The following ACOX2 variants were observed in gnomAD, a reference collection of about 807,000 sequenced individuals.
ACOX2 encodes peroxisomal acyl-coenzyme A oxidase 2.
In ACOX2, 59 loss-of-function variants were observed where a neutral mutation model predicts 77.5. The ratio of observed to expected loss-of-function variants is 0.76; its 90% CI spans 0.62 to 0.95. The LOEUF (loss-of-function observed/expected upper bound fraction) is 0.95. Among genes scored for constraint, ACOX2 ranks in the 40% least tolerant of loss-of-function variants. ACOX2 has a pLI of 0.00. For synonymous variants in ACOX2, 317 were observed against 340.1 expected (o/e 0.93, Z 0.75); for missense variants, 837 against 880.4 (o/e 0.95, Z 0.62).
At position 58,522,683 on chromosome 3, in the gene ACOX2, T is replaced by C; in HGVS notation, c.1527-82A>G. On this transcript the variant is annotated intron_variant, in intron 11 of 14. Transcript: ENST00000302819. This position sits in a 1 kb window ranked among gnomAD's most constrained non-coding sequence, Gnocchi z 4.3. Reference sequence around the variant, plus strand: ...TGGGCTTCCTGTGGTCCCTCAGAAGTAGAAATAATGCCTGTTTATTGACCA... The same window carrying C: ...TGGGCTTCCTGTGGTCCCTCAGAAGCAGAAATAATGCCTGTTTATTGACCA... 1 of 1,198,522 alleles carries C rather than the reference T, an allele frequency of 8.3e-7. No individual in the cohort carries two copies. The highest frequency in any genetic ancestry group is 1.2e-6 in the Non-Finnish European group (1 of 805,346). The allele number at this position is 1,198,522 out of a possible 1,614,324, so 74.2% of individuals were successfully genotyped here.
rs760756650 is a variant in ACOX2, at chr3:58,523,465, A to G, written c.1527-864T>C. Reference sequence around the variant, plus strand: ...CAGTTAATAAATATTTTTGGAATAAATAAATGAATGTTCCAAGTTGCTTGT... The same window carrying G: ...CAGTTAATAAATATTTTTGGAATAAGTAAATGAATGTTCCAAGTTGCTTGT... On this transcript the variant is annotated intron_variant, in intron 11 of 14. Transcript: ENST00000302819. This position sits in a 1 kb window ranked among gnomAD's most constrained non-coding sequence, Gnocchi z 5.3. Among the ~76,000 whole-genome samples the G allele has an allele frequency of 6.6e-6, 1 of 152,260 alleles. No individual in the cohort carries two copies. Among genetic ancestry groups the G allele is most frequent in the Non-Finnish European group, 1.5e-5 (1 of 68,048 alleles).
In ACOX2 at chr3:58,522,597, T is replaced by A. The variant is rs1560215445; in HGVS notation, c.1531A>T (p.Ile511Leu). 3 of 1,614,068 alleles carry A rather than the reference T, an allele frequency of 1.9e-6. No individual in the cohort carries two copies. The Admixed American group carries it at 5.0e-5, about 27-fold the overall frequency. ...TAWAHVAVRLIKDSVQHLQTL... is the reference protein window; with the variant it reads ...TAWAHVAVRLLKDSVQHLQTL... Reference sequence around the variant, plus strand: ...TGTAAATGCTGCACTGAGTCCTTTATGAGCCTGAAAGCCAAAGCAAAAAAG... The same window carrying A: ...TGTAAATGCTGCACTGAGTCCTTTAAGAGCCTGAAAGCCAAAGCAAAAAAG... Residue 511 changes from isoleucine (I) to leucine (L), a missense_variant, in exon 12 of 15, where the codon ATA becomes TTA. Transcript: ENST00000302819. This position sits in a 1 kb window ranked among gnomAD's most constrained non-coding sequence, Gnocchi z 4.3.
chr3:58,516,279 A>G (rs1448466830), intron 13 of ACOX2, among the ~76,000 whole-genome samples: 1 of 152,236 alleles, frequency 6.6e-6, no homozygotes, highest in Non-Finnish European at 1.5e-5. Flanking sequence ...CACATTCAAC[A>G]AAGACTAGGA....
In ACOX2 at chr3:58,517,279, G is replaced by A. The variant is rs767199652; in HGVS notation, c.1777C>T (p.His593Tyr). The A allele has an allele frequency of 1.2e-6, 2 of 1,614,198 alleles. No individual in the cohort carries two copies. Among genetic ancestry groups the A allele is most frequent in the Admixed American group, 3.3e-5 (2 of 60,018 alleles). The change falls in exon 13 of 15, where the codon CAT (histidine) becomes TAT (tyrosine). Residue 593 changes from histidine (H) to tyrosine (Y), a missense_variant. Transcript: ENST00000302819. ...TGGGCACCAGACAGGAAGGCGTCATGGAGAAAGTCACCCGAGTTAGTCAAG... is the reference window on the plus strand; with the variant it reads ...TGGGCACCAGACAGGAAGGCGTCATAGAGAAAGTCACCCGAGTTAGTCAAG... ...GILTNSGDFL[H>Y]DAFLSGAQVD...
chr3:58,531,288 C>T lies in ACOX2; in HGVS notation c.782G>A (p.Arg261Gln), dbSNP rs372431689. 1.8e-5 allele frequency: 29 copies of T among 1,613,336 alleles called. No homozygotes were observed. The highest frequency in any genetic ancestry group is 4.0e-5 in the African/African-American group (3 of 74,892). Reference sequence around the variant, plus strand: ...ACTCAGCATGTTCTCCCTGGGGACCCGCACATGGTTCAGCTGCAGGAAGCC... The same window carrying T: ...ACTCAGCATGTTCTCCCTGGGGACCTGCACATGGTTCAGCTGCAGGAAGCC... ...DNGFLQLNHV[R>Q]VPRENMLSRF... Residue 261 changes from arginine (R) to glutamine (Q), a missense_variant, in exon 7 of 15, where the codon CGG (arginine) becomes CAG (glutamine). By Grantham distance (43) the Arg-to-Gln change is conservative. Coordinates refer to ENST00000302819, the MANE Select transcript of ACOX2 (RefSeq NM_003500.4). The surrounding 1 kb of genome is among the most constrained non-coding windows in gnomAD (Gnocchi z 5.8).
chr3:58,516,564 A>C (rs923822339), intron 13 of ACOX2, among the ~76,000 whole-genome samples: 1 of 152,252 alleles, frequency 6.6e-6, no homozygotes, highest in Non-Finnish European at 1.5e-5. Context: ...ATGCCTGGGC[A>C]CGTTGGTTCA....
rs765029044 is a variant in ACOX2, at chr3:58,515,148, G to C, written c.1850+2058C>G. On this transcript the variant is annotated intron_variant, in intron 13 of 14. Transcript: ENST00000302819. The surrounding 1 kb of genome is among the most constrained non-coding windows in gnomAD (Gnocchi z 4.0). ...AAGCGATTCTGCCTCAGCCTCCCAAGTAACTGGGATTACAGGCATGTGCCA... is the reference window on the plus strand; with the variant it reads ...AAGCGATTCTGCCTCAGCCTCCCAACTAACTGGGATTACAGGCATGTGCCA... Among the ~76,000 whole-genome samples, 5 of 152,086 alleles carry C rather than the reference G, an allele frequency of 3.3e-5. No homozygotes were observed. The highest frequency in any genetic ancestry group is 4.4e-5 in the Non-Finnish European group (3 of 68,010).
rs2063347343 is a variant in ACOX2, at chr3:58,519,959, T to G, written c.1633-2536A>C. Among the ~76,000 whole-genome samples the G allele has an allele frequency of 6.6e-6, 1 of 151,672 alleles. No individual in the cohort carries two copies. Among genetic ancestry groups the G allele is most frequent in the Non-Finnish European group, 1.5e-5 (1 of 67,938 alleles). ...CAAGGCTCTGAGTTGAGGAGTGGAG[T>G]GATGGAGAGCTGCCCAGGGGCCTGG... is the stretch of plus-strand genomic sequence containing the variant. On this transcript the variant is annotated intron_variant, in intron 12 of 14. Coordinates refer to ENST00000302819, the MANE Select transcript of ACOX2 (RefSeq NM_003500.4). This position sits in a 1 kb window ranked among gnomAD's most constrained non-coding sequence, Gnocchi z 5.0.
At position 58,514,821 on chromosome 3, in the gene ACOX2, C is replaced by T. The variant is rs2063310489; in HGVS notation, c.1850+2385G>A. On this transcript the variant is annotated intron_variant, in intron 13 of 14. Transcript: ENST00000302819. This position sits in a 1 kb window ranked among gnomAD's most constrained non-coding sequence, Gnocchi z 4.3. ...TTTGTATTTTATCATCACTGACAAC[C>T]GGGGCTAGAACATTATTTTCAAGTG... is the stretch of plus-strand genomic sequence containing the variant. 1.3e-5 allele frequency among the ~76,000 whole-genome samples: 2 copies of T among 152,092 alleles called. No homozygotes were observed. The highest frequency in any genetic ancestry group is 2.4e-5 in the African/African-American group (1 of 41,394).
At chr3:58,532,596 G>A (rs2063448975) in intron 5 of ACOX2, among the ~76,000 whole-genome samples, 1 of 152,090 alleles carries the variant, frequency 6.6e-6, no homozygotes, top group Non-Finnish European at 1.5e-5. Flanking sequence ...ATATTGGTCA[G>A]GCTGGTTCAA....
chr3:58,509,031 A>T lies in ACOX2; in HGVS notation c.1851-6T>A. 2 of 1,614,046 alleles carry T rather than the reference A, an allele frequency of 1.2e-6. No individual in the cohort carries two copies. Among genetic ancestry groups the T allele is most frequent in the Non-Finnish European group, 1.7e-6 (2 of 1,179,894 alleles). ...TTAACAGGATGGCATCCTTCCTGGG[A>T]TAGGAAACAAGAGTTTGTAAGTATT... On this transcript the variant is annotated splice_region_variant and splice_polypyrimidine_tract_variant and intron_variant, in intron 13 of 14. Coordinates refer to ENST00000302819, the MANE Select transcript of ACOX2 (RefSeq NM_003500.4).
rs964485046 is a variant in ACOX2, at chr3:58,519,474, A to T, written c.1633-2051T>A. On this transcript the variant is annotated intron_variant, in intron 12 of 14. Coordinates refer to ENST00000302819, the MANE Select transcript of ACOX2 (RefSeq NM_003500.4). The surrounding 1 kb of genome is among the most constrained non-coding windows in gnomAD (Gnocchi z 5.0). ...GGTCATTCCAGGCAGGGGGAGCTTT[A>T]TGTGCAAAAGGCTGTACTTTCAGGA... 7.9e-5 allele frequency among the ~76,000 whole-genome samples: 12 copies of T among 152,146 alleles called. No homozygotes were observed. The highest frequency in any genetic ancestry group is 2.9e-4 in the African/African-American group (12 of 41,428).
chr3:58,511,929 C>T (rs956824406), intron 13 of ACOX2, among the ~76,000 whole-genome samples: 1 of 152,194 alleles, frequency 6.6e-6, no homozygotes, highest in Admixed American at 6.5e-5. Flanking sequence ...ACGGTTACTT[C>T]CTTATTATCT....
Position 58,526,774 on chromosome 3 carries a change from G to A in ACOX2, c.1156-118C>T, listed in dbSNP as rs1389769006. 1 of 1,106,516 alleles carries A rather than the reference G, an allele frequency of 9.0e-7. No homozygotes were observed. Among genetic ancestry groups the A allele is most frequent in the African/African-American group, 1.6e-5 (1 of 62,916 alleles). 68.5% of individuals were successfully genotyped at this position (1,106,516 alleles called of 1,614,324 possible). A position where few individuals can be genotyped will look rare whatever the true frequency, so the allele number is the denominator to read the frequency against. On this transcript the variant is annotated intron_variant, in intron 9 of 14. Transcript: ENST00000302819. This position sits in a 1 kb window ranked among gnomAD's most constrained non-coding sequence, Gnocchi z 4.3. ...CCAGCTCAGCTCTGAGGTAAGAAGT[G>A]TTTCCTCTGCTCACAACTTTATGAA...
intron 13 of ACOX2, 126 bp from the exon 14 acceptor site, chr3:58,509,151 A>AT (rs919622857): frequency 4.0e-4 from 458 of 1,141,130 alleles, no homozygotes; most frequent in African/African-American, 1.3e-3. Flanking sequence ...ACAATTCAGC[A>AT]TTTTTTTTTA....
chr3:58,517,269 A>G lies in ACOX2; in HGVS notation c.1787T>C (p.Phe596Ser). ...TNSGDFLHDA[F>S]LSGAQVDMAR... ...CATGTCCACTTGGGCACCAGACAGG[A>G]AGGCGTCATGGAGAAAGTCACCCGA... The change falls in exon 13 of 15, where the codon TTC becomes TCC. Residue 596 changes from phenylalanine to serine, a missense_variant. Phe to Ser is a radical substitution (Grantham distance 155, BLOSUM62 -2). Transcript: ENST00000302819. 1.2e-6 allele frequency: 2 copies of G among 1,614,178 alleles called. No individual in the cohort carries two copies. Among genetic ancestry groups the G allele is most frequent in the Non-Finnish European group, 1.7e-6 (2 of 1,180,034 alleles).
In ACOX2 at chr3:58,528,983, A is replaced by T; in HGVS notation, c.993-27T>A. On this transcript the variant is annotated intron_variant, in intron 8 of 14. Transcript: ENST00000302819. The surrounding 1 kb of genome is among the most constrained non-coding windows in gnomAD (Gnocchi z 5.6). ...TGAAGGGAAAAGAACCAGAAGATTT[A>T]GATCACTACCTGTTGTGTCCACCTT... 1 of 1,591,678 alleles carries T rather than the reference A, an allele frequency of 6.3e-7. No individual in the cohort carries two copies. The highest frequency in any genetic ancestry group is 8.6e-7 in the Non-Finnish European group (1 of 1,168,208).
In ACOX2 at chr3:58,534,638, T is replaced by C; in HGVS notation, c.161-116A>G. The C allele has an allele frequency of 6.3e-7, 1 of 1,576,516 alleles. No homozygotes were observed. Among genetic ancestry groups the C allele is most frequent in the Non-Finnish European group, 8.6e-7 (1 of 1,164,544 alleles). Reference sequence around the variant, plus strand: ...AAAGGAAGTCAGACATTATTGTTATTTTACAGATGACAAAACTGAGGACCA... The same window carrying C: ...AAAGGAAGTCAGACATTATTGTTATCTTACAGATGACAAAACTGAGGACCA... On this transcript the variant is annotated intron_variant, in intron 2 of 14. Coordinates refer to ENST00000302819, the MANE Select transcript of ACOX2 (RefSeq NM_003500.4). This position sits in a 1 kb window ranked among gnomAD's most constrained non-coding sequence, Gnocchi z 4.8.
chr3:58,528,368 T>C lies in ACOX2; in HGVS notation c.1155+426A>G, dbSNP rs967137116. On this transcript the variant is annotated intron_variant, in intron 9 of 14. Coordinates refer to ENST00000302819, the MANE Select transcript of ACOX2 (RefSeq NM_003500.4). The surrounding 1 kb of genome is among the most constrained non-coding windows in gnomAD (Gnocchi z 5.6). ...GGCATTTAAAGTGCATTTTATATAATAGCCCCAGTGGGGTTTGGGGCAGCT... is the reference window on the plus strand; with the variant it reads ...GGCATTTAAAGTGCATTTTATATAACAGCCCCAGTGGGGTTTGGGGCAGCT... 2.6e-5 allele frequency among the ~76,000 whole-genome samples: 4 copies of C among 152,222 alleles called. No individual in the cohort carries two copies. Among genetic ancestry groups the C allele is most frequent in the African/African-American group, 7.2e-5 (3 of 41,460 alleles).
Sources: allele counts gnomAD v4.1 joint callset (sites outside exome capture counted in the v4.1 genomes callset), GRCh38; gene constraint gnomAD v4.1.1; non-coding constraint Gnocchi (gnomAD v3.1); transcripts MANE v1.5; gene names NCBI Gene and HGNC (gene_info 2026-07-23, HGNC 2026-07-21).